Variants in JAKMIP3 observed in about 807,000 individuals in gnomAD.
JAKMIP3 encodes Janus kinase and microtubule interacting protein 3, also known as janus kinase and microtubule-interacting protein 3.
Under a neutral mutation model 118.5 loss-of-function variants are expected in JAKMIP3, and 58 were observed. The observed-to-expected ratio is 0.49, with a 90% CI of 0.40 to 0.61. The LOEUF (loss-of-function observed/expected upper bound fraction) is 0.61. Among genes scored for constraint, JAKMIP3 ranks in the 20% least tolerant of loss-of-function variants. The pLI is 0.00. For missense variants in JAKMIP3, 950 were observed against 1,109.0 expected, an observed-to-expected ratio of 0.86 and a Z score of 2.04; for synonymous variants, 486 against 451.2, an observed-to-expected ratio of 1.08 and a Z score of -0.98.
chr10:132,141,843 C>G, intron 10 of JAKMIP3, 77 bp from the exon 11 acceptor site: 1 of 1,515,526 alleles, frequency 6.6e-7, no homozygotes, highest in African/African-American at 1.4e-5. Context: ...AGGGAAGCCC[C>G]GGGGCCCCGC....
At chr10:132,129,875 CTTTTTTTT>C (rs5789115) in intron 3 of JAKMIP3, among the ~76,000 whole-genome samples, 8 of 138,814 alleles carry the variant, frequency 5.8e-5, no homozygotes, top group African/African-American at 2.1e-4. Context: ...GCATCAGTAC[CTTTTTTTT>C]TTTTTTTTTC....
At position 132,044,644 on chromosome 10, in the gene JAKMIP3, C is replaced by A. The variant is rs1247825013; in HGVS notation, c.-138+7906C>A. On this transcript the variant is annotated intron_variant, in intron 1 of 23. Coordinates refer to the JAKMIP3 transcript ENST00000657785. This position sits in a 1 kb window ranked among gnomAD's most constrained non-coding sequence, Gnocchi z 5.3. ...CAGGGCAGCAGGACGCCACCACATG[C>A]TGCGCTCAGGATGGAGGTTTTGTTT... Among the ~76,000 whole-genome samples, 1 of 152,102 alleles carries A rather than the reference C, an allele frequency of 6.6e-6. No individual in the cohort carries two copies. Among genetic ancestry groups the A allele is most frequent in the African/African-American group, 2.4e-5 (1 of 41,416 alleles).
At chr10:132,113,494 T>C (rs1033822666) in intron 2 of JAKMIP3, among the ~76,000 whole-genome samples, 1 of 152,242 alleles carries the variant, frequency 6.6e-6, no homozygotes, top group African/African-American at 2.4e-5. Context: ...TGTCCCAGCC[T>C]GAGGAAACTG....
intron 1 of JAKMIP3, among the ~76,000 whole-genome samples, chr10:132,039,787 G>A (rs547165547): frequency 6.6e-6 from 1 of 152,338 alleles, no homozygotes; most frequent in South Asian, 2.1e-4. Flanking sequence ...TCCAGCCGCT[G>A]TATTGACTTG....
chr10:132,041,105 G>A (rs1045254722), intron 1 of JAKMIP3, among the ~76,000 whole-genome samples: 3 of 152,162 alleles, frequency 2.0e-5, no homozygotes, highest in African/African-American at 7.2e-5. Context: ...AGGCTGGATG[G>A]AGTACAGTGG....
rs1284984493 is a variant in JAKMIP3, at chr10:132,179,830, T to G, written c.*1104-2527T>G. On this transcript the variant is annotated intron_variant, in intron 23 of 23. Transcript: ENST00000684848. The surrounding 1 kb of genome is among the most constrained non-coding windows in gnomAD (Gnocchi z 4.3). ...CCTATAATCGGGAGGCATGGCTGGA[T>G]CTGCAAGGGAAGAGTTCACAGGCAC... Among the ~76,000 whole-genome samples the G allele has an allele frequency of 6.6e-6, 1 of 152,136 alleles. No individual in the cohort carries two copies. The highest frequency in any genetic ancestry group is 1.5e-5 in the Non-Finnish European group (1 of 68,022).
At chr10:132,056,820 G>A (rs555819925) in intron 1 of JAKMIP3, among the ~76,000 whole-genome samples, 22 of 152,318 alleles carry the variant, frequency 1.4e-4, no homozygotes, top group African/African-American at 4.6e-4. Flanking sequence ...CACTGCAGGA[G>A]GGCTCTCGCC....
chr10:132,087,214 C>T (rs2042511218), intron 1 of JAKMIP3, among the ~76,000 whole-genome samples: 1 of 152,190 alleles, frequency 6.6e-6, no homozygotes, highest in Admixed American at 6.5e-5. Context: ...TGTACGGTTT[C>T]TGCTGAGAAA....
chr10:132,091,200 T>G (rs1180278414), intron 1 of JAKMIP3, among the ~76,000 whole-genome samples: 2 of 152,346 alleles, frequency 1.3e-5, no homozygotes, highest in East Asian at 3.9e-4. Context: ...TACTTCCAAC[T>G]ATGTGGTCAG....
intron 1 of JAKMIP3, among the ~76,000 whole-genome samples, chr10:132,080,373 C>T (rs1424935829): frequency 2.0e-5 from 3 of 152,050 alleles, no homozygotes; most frequent in Non-Finnish European, 4.4e-5. Flanking sequence ...ACTTTCCTGA[C>T]AATTTGTGAT....
Position 132,044,357 on chromosome 10 carries a change from G to A in JAKMIP3, c.-138+7619G>A, listed in dbSNP as rs561581482. Among the ~76,000 whole-genome samples, 17 of 152,314 alleles carry A rather than the reference G, an allele frequency of 1.1e-4. No individual in the cohort carries two copies. The highest frequency in any genetic ancestry group is 3.4e-3 in the Middle Eastern group (1 of 294). ...GGCTGAGACAGACACAACTTCAGCC[G>A]TCGTGCAAACAGGTCATCTTAGCAG... On this transcript the variant is annotated intron_variant, in intron 1 of 23. Coordinates refer to the JAKMIP3 transcript ENST00000657785. The surrounding 1 kb of genome is among the most constrained non-coding windows in gnomAD (Gnocchi z 5.3).
chr10:132,147,412 C>T (rs1384999142), intron 13 of JAKMIP3, among the ~76,000 whole-genome samples: 2 of 152,200 alleles, frequency 1.3e-5, no homozygotes, highest in Non-Finnish European at 1.5e-5. Context: ...CCGGTTTACT[C>T]GTAACTGGTT....
chr10:132,040,820 A>G (rs1253717541), intron 1 of JAKMIP3, among the ~76,000 whole-genome samples: 1 of 152,194 alleles, frequency 6.6e-6, no homozygotes, highest in Non-Finnish European at 1.5e-5. Context: ...TAACATTAAC[A>G]GAAACTTTTC....
intron 5 of JAKMIP3, 68 bp from the exon 6 acceptor site, chr10:132,135,862 G>A (rs1018450939): frequency 6.9e-5 from 105 of 1,523,386 alleles, no homozygotes; most frequent in South Asian, 8.8e-5. Context: ...TCAGTCAGCC[G>A]ACTCTGCGTG....
Position 132,168,862 on chromosome 10 carries a change from A to T in JAKMIP3, c.*932A>T. On this transcript the variant is annotated 3_prime_UTR_variant, in exon 23 of 24. Coordinates refer to ENST00000684848, the MANE Select transcript of JAKMIP3 (RefSeq NM_001323087.2). ...CAGCCTGGAAGCCCCTGCACGGGCC[A>T]GCCCTGCAGGCCATGGACCCCGGCG... 5.7e-6 allele frequency: 1 copy of T among 174,722 alleles called. No individual in the cohort carries two copies. Among genetic ancestry groups the T allele is most frequent in the Middle Eastern group, 2.4e-3 (1 of 422 alleles). The allele number at this position is 174,722 out of a possible 1,614,324, so 10.8% of individuals were successfully genotyped here.
At chr10:132,180,883 ATGTATG>A (rs1343052457) in intron 23 of JAKMIP3, among the ~76,000 whole-genome samples, 6 of 151,574 alleles carry the variant, frequency 4.0e-5, no homozygotes, top group South Asian at 4.2e-4. Context: ...GGGCATGTGC[ATGTATG>A]TGTATGTGTT....
intron 1 of JAKMIP3, among the ~76,000 whole-genome samples, chr10:132,057,536 C>G (rs1041436725): frequency 1.4e-4 from 22 of 152,320 alleles, no homozygotes; most frequent in Non-Finnish European, 4.4e-5. Flanking sequence ...GTCAGAACTG[C>G]ATGAGATGCA....
At chr10:132,135,405 T>C (rs953918507) in intron 5 of JAKMIP3, among the ~76,000 whole-genome samples, 2 of 152,190 alleles carry the variant, frequency 1.3e-5, no homozygotes, top group Non-Finnish European at 2.9e-5. Context: ...AGAAGCCGCC[T>C]CTGTTCTGCA....
At chr10:132,089,382 G>T (rs561966232) in intron 1 of JAKMIP3, among the ~76,000 whole-genome samples, 1 of 151,970 alleles carries the variant, frequency 6.6e-6, no homozygotes, top group Non-Finnish European at 1.5e-5. Context: ...CTTTTATTTT[G>T]TTGAGCAGTG....
Sources: gnomAD v4.1 joint callset for allele counts (sites outside exome capture counted in the v4.1 genomes callset) on GRCh38, gnomAD v4.1.1 for gene constraint, Gnocchi (gnomAD v3.1) non-coding constraint, MANE v1.5 for transcripts, NCBI Gene and HGNC (gene_info 2026-07-23, HGNC 2026-07-21) for gene names.